Variants in BFAR observed in about 807,000 individuals in gnomAD.
BFAR encodes the protein RING finger protein 47.
A neutral mutation model predicts 54.4 loss-of-function variants in BFAR; 52 were observed. The observed-to-expected ratio is 0.96, with a 90% confidence interval of 0.77 to 1.21. The LOEUF (loss-of-function observed/expected upper bound fraction) is 1.21, where lower values mean the gene tolerates loss of function less well. Ranked by LOEUF, BFAR falls within the 50% of genes most tolerant of loss-of-function variation. BFAR has a pLI of 0.00. For missense variants in BFAR, 571 were observed against 534.0 expected, an observed-to-expected ratio of 1.07 and a Z score of -0.68; for synonymous variants, 215 against 204.3, an observed-to-expected ratio of 1.05 and a Z score of -0.45.
At chr16:14,645,882 T>G (rs1959778921) in intron 2 of BFAR, among the ~76,000 whole-genome samples, 1 of 152,178 alleles carries the variant, frequency 6.6e-6, no homozygotes, top group Non-Finnish European at 1.5e-5. Context: ...TTGTTTATAT[T>G]CTTTGAGACA....
intron 5 of BFAR, among the ~76,000 whole-genome samples, chr16:14,660,160 C>T (rs1960250247): frequency 6.6e-6 from 1 of 152,204 alleles, no homozygotes; most frequent in African/African-American, 2.4e-5. Flanking sequence ...CAGTGATCTC[C>T]ACTGGACACT....
intron 1 of BFAR, among the ~76,000 whole-genome samples, chr16:14,639,769 A>G (rs1177263997): frequency 3.3e-5 from 5 of 152,208 alleles, no homozygotes; most frequent in Admixed American, 1.3e-4. Flanking sequence ...TTGATTATAT[A>G]TCTTGGAATT....
At chr16:14,667,524 C>G (rs546517664) in intron 7 of BFAR, 111 bp from the exon 8 acceptor site, 3 of 999,192 alleles carry the variant, frequency 3.0e-6, no homozygotes, top group East Asian at 4.8e-5. Flanking sequence ...CAAGGACATT[C>G]AGCACGGGCA....
At chr16:14,639,766 T>C (rs1959565224) in intron 1 of BFAR, among the ~76,000 whole-genome samples, 1 of 152,240 alleles carries the variant, frequency 6.6e-6, no homozygotes, top group South Asian at 2.1e-4. Flanking sequence ...ATGTTGATTA[T>C]ATATCTTGGA....
Position 14,655,198 on chromosome 16 carries a change from C to G in BFAR, c.771C>G (p.Leu257=). The change falls in exon 5 of 8, where the codon CTC becomes CTG. Residue 257 remains leucine, a synonymous_variant. Transcript: ENST00000261658. Reference sequence around the variant, plus strand: ...TAGGCGTGAAGCCCCCCCAGAATCTCTGGGAATATAAGGTGAACACTTTAA... The same window carrying G: ...TAGGCGTGAAGCCCCCCCAGAATCTGTGGGAATATAAGGTGAACACTTTAA... ...KALGVKPPQN[L]WEYKAVNPGR... is the part of the protein sequence containing the mutation. 1 of 1,521,256 alleles carries G rather than the reference C, an allele frequency of 6.6e-7. No homozygotes were observed. The highest frequency in any genetic ancestry group is 8.8e-7 in the Non-Finnish European group (1 of 1,138,406). 94.2% of individuals were successfully genotyped at this position (1,521,256 alleles called of 1,614,324 possible). A position where few individuals can be genotyped will look rare whatever the true frequency, so the allele number is the denominator to read the frequency against.
At chr16:14,660,951 G>C (rs947291201) in intron 5 of BFAR, among the ~76,000 whole-genome samples, 2 of 151,982 alleles carry the variant, frequency 1.3e-5, no homozygotes, top group African/African-American at 2.4e-5. Context: ...GCTCAGGCTG[G>C]TCTTGAACTC....
At chr16:14,633,597 C>G (rs557488011) in intron 1 of BFAR, 1 of 152,216 alleles carries the variant, frequency 6.6e-6, no homozygotes, top group Non-Finnish European at 1.5e-5. Flanking sequence ...GGCAAGAACT[C>G]GGCTCTTCTG....
At chr16:14,656,239 G>A (rs373530610) in intron 5 of BFAR, among the ~76,000 whole-genome samples, 8 of 151,928 alleles carry the variant, frequency 5.3e-5, no homozygotes, top group Admixed American at 2.6e-4. Flanking sequence ...AAAGAGTAAC[G>A]CTGTGGGCTG....
chr16:14,655,638 G>T (rs985642373), intron 5 of BFAR, among the ~76,000 whole-genome samples: 2 of 151,864 alleles, frequency 1.3e-5, no homozygotes, highest in Non-Finnish European at 2.9e-5. Context: ...CAGGATGTTG[G>T]CCAGGCTGAT....
intron 1 of BFAR, among the ~76,000 whole-genome samples, chr16:14,633,845 G>C (rs1206068812): frequency 2.0e-5 from 3 of 152,098 alleles, no homozygotes; most frequent in Non-Finnish European, 4.4e-5. Context: ...TAGAGACGGG[G>C]TTTCACCATG....
At chr16:14,652,140 C>T (rs930785590) in intron 4 of BFAR, among the ~76,000 whole-genome samples, 1 of 151,618 alleles carries the variant, frequency 6.6e-6, no homozygotes, top group Non-Finnish European at 1.5e-5. Context: ...ACCGCCTTGG[C>T]CTCCCAAAGT....
chr16:14,648,291 A>G (rs1193818770), intron 2 of BFAR, 97 bp from the exon 3 acceptor site: 3 of 898,522 alleles, frequency 3.3e-6, no homozygotes, highest in Non-Finnish European at 5.2e-6. Flanking sequence ...TAGGGTAGCT[A>G]TATATTATTA....
chr16:14,667,319 A>G (rs1960468671), intron 7 of BFAR: 1 of 326,452 alleles, frequency 3.1e-6, no homozygotes, highest in Non-Finnish European at 5.6e-6. Context: ...CCCAGGCTGG[A>G]CAAAGGAATG....
At chr16:14,649,733 T>A in intron 3 of BFAR, 71 bp from the exon 4 acceptor site, 1 of 1,369,144 alleles carries the variant, frequency 7.3e-7, no homozygotes, top group Non-Finnish European at 1.0e-6. Context: ...TTTCCCCACC[T>A]CCCACCCGCA....
At chr16:14,649,050 T>C (rs981281193) in intron 3 of BFAR, among the ~76,000 whole-genome samples, 2 of 151,812 alleles carry the variant, frequency 1.3e-5, no homozygotes, top group African/African-American at 4.8e-5. Flanking sequence ...GTGAATTTTA[T>C]GTGGATTACA....
chr16:14,649,741 G>A (rs1959911489), intron 3 of BFAR, 63 bp from the exon 4 acceptor site: 35 of 1,414,118 alleles, frequency 2.5e-5, no homozygotes, highest in Non-Finnish European at 3.2e-5. Context: ...CCTCCCACCC[G>A]CATATTTAGA....
At chr16:14,655,007 G>GT (rs969976786) in intron 4 of BFAR, 59 bp from the exon 5 acceptor site, 17 of 1,441,840 alleles carry the variant, frequency 1.2e-5, no homozygotes, top group Non-Finnish European at 1.5e-5. Context: ...AACTCTGAGT[G>GT]TAGAGAGTTT....
chr16:14,639,557 C>G (rs986679649), intron 1 of BFAR, among the ~76,000 whole-genome samples: 13 of 152,168 alleles, frequency 8.5e-5, no homozygotes, highest in African/African-American at 2.9e-4. Flanking sequence ...ATCCGCCCAC[C>G]TCCATTTTGG....
chr16:14,661,873 G>A lies in BFAR; in HGVS notation c.784-19G>A. On this transcript the variant is annotated intron_variant, in intron 5 of 7. Coordinates refer to ENST00000261658, the MANE Select transcript of BFAR (RefSeq NM_016561.3). ...GCCGCCATGGTTGTAATGTGGCCCT[G>A]TACTCTTCTCCTCTGCAGGCTGTGA... The A allele has an allele frequency of 6.2e-7, 1 of 1,613,870 alleles. No individual in the cohort carries two copies. The highest frequency in any genetic ancestry group is 8.5e-7 in the Non-Finnish European group (1 of 1,179,844).
Sources: allele counts gnomAD v4.1 joint callset (sites outside exome capture counted in the v4.1 genomes callset), GRCh38; gene constraint gnomAD v4.1.1; transcripts MANE v1.5; gene names NCBI Gene and HGNC (gene_info 2026-07-23, HGNC 2026-07-21).